Variants in SDCCAG8 observed in about 807,000 individuals in gnomAD.
SDCCAG8 encodes serologically defined colon cancer antigen 8.
Under a neutral mutation model 101.8 loss-of-function variants are expected in SDCCAG8, and 74 were observed. That is an observed-to-expected ratio of 0.73 (90% CI 0.60 to 0.88). SDCCAG8 has a LOEUF of 0.88. Ranked by LOEUF, SDCCAG8 falls within the 40% of genes least tolerant of loss-of-function variation. The pLI, the probability that SDCCAG8 is intolerant of heterozygous loss-of-function variation, is 0.00. For synonymous variants in SDCCAG8, 281 were observed against 292.9 expected, an observed-to-expected ratio of 0.96 and a Z score of 0.41; for missense variants, 787 against 822.6, an observed-to-expected ratio of 0.96 and a Z score of 0.53.
rs777253071 is a variant in SDCCAG8 at position 243,256,193 on chromosome 1, A to G, written c.20A>G (p.Asn7Ser). Residue 7 changes from asparagine (N) to serine (S), a missense_variant, in exon 1 of 18, where the codon AAC becomes AGC. Physicochemically the swap from Asn to Ser is conservative, Grantham distance 46 (BLOSUM62 1). Transcript: ENST00000366541. ...GCGTGCATGGCGAAGTCCCCGGAGA[A>G]CTCTACCCTGGAGGAGATTCTGGGG... MAKSPENSTLEEILGQY... is the reference protein window; with the variant it reads MAKSPESSTLEEILGQY... The G allele has an allele frequency of 1.9e-6, 3 of 1,613,842 alleles. No individual in the cohort carries two copies. The highest frequency in any genetic ancestry group is 1.1e-5 in the South Asian group (1 of 91,058).
At chr1:243,454,992 T>C (rs755989168) in intron 16 of SDCCAG8, among the ~76,000 whole-genome samples, 1 of 152,226 alleles carries the variant, frequency 6.6e-6, no homozygotes, top group Non-Finnish European at 1.5e-5. Context: ...TTCTAACTGT[T>C]CATTTGTTTT....
intron 16 of SDCCAG8, among the ~76,000 whole-genome samples, chr1:243,452,404 GATCTC>G (rs111541523): frequency 0.062 from 7,020 of 113,776 alleles, 366 homozygotes; most frequent in African/African-American, 0.12. Flanking sequence ...CCCTTGAGAT[GATCTC>G]ATCTCTTTTT....
chr1:243,433,157 G>A (rs2081907557), intron 16 of SDCCAG8, among the ~76,000 whole-genome samples: 1 of 152,070 alleles, frequency 6.6e-6, no homozygotes, highest in African/African-American at 2.4e-5. Context: ...AAGGTAACCT[G>A]ATGCCAGACT....
intron 16 of SDCCAG8, among the ~76,000 whole-genome samples, chr1:243,483,386 G>T (rs1015700530): frequency 2.0e-5 from 3 of 152,136 alleles, no homozygotes; most frequent in Admixed American, 6.5e-5. Flanking sequence ...TGCTGAGCAC[G>T]AGCGCCCTCC....
At chr1:243,278,466 G>A (rs192106673) in intron 4 of SDCCAG8, among the ~76,000 whole-genome samples, 162 of 152,218 alleles carry the variant, frequency 1.1e-3, no homozygotes, top group African/African-American at 3.7e-3. Context: ...TGATCCACCC[G>A]CCTCGGTCTC....
chr1:243,467,289 A>T (rs1574211975), intron 16 of SDCCAG8, among the ~76,000 whole-genome samples: 1 of 152,352 alleles, frequency 6.6e-6, no homozygotes, highest in African/African-American at 2.4e-5. Context: ...GTCAGCAGTG[A>T]AATCAGGAGT....
intron 12 of SDCCAG8, among the ~76,000 whole-genome samples, chr1:243,374,235 A>G (rs1441378114): frequency 6.6e-6 from 1 of 152,078 alleles, no homozygotes; most frequent in Non-Finnish European, 1.5e-5. Context: ...AATCAATCCA[A>G]CAACTAATGT....
chr1:243,411,977 G>A (rs937592871), intron 13 of SDCCAG8, among the ~76,000 whole-genome samples: 39 of 152,232 alleles, frequency 2.6e-4, no homozygotes, highest in African/African-American at 8.7e-4. Context: ...TCCTTCACCA[G>A]GCTCTCACAC....
At chr1:243,409,929 C>G (rs1472529978) in intron 13 of SDCCAG8, among the ~76,000 whole-genome samples, 2 of 152,150 alleles carry the variant, frequency 1.3e-5, no homozygotes, top group Non-Finnish European at 2.9e-5. Flanking sequence ...AGGATGTTTG[C>G]ATAGTCTAGG....
chr1:243,476,570 A>G (rs1027883011), intron 16 of SDCCAG8, among the ~76,000 whole-genome samples: 17 of 152,214 alleles, frequency 1.1e-4, no homozygotes, highest in African/African-American at 3.6e-4. Flanking sequence ...GTCCCCATTC[A>G]AACAGAAACT....
intron 13 of SDCCAG8, among the ~76,000 whole-genome samples, chr1:243,389,333 A>G (rs1000229091): frequency 4.6e-5 from 7 of 152,324 alleles, no homozygotes; most frequent in Admixed American, 3.9e-4. Context: ...TCACAACAAC[A>G]GGGTCTCTTT....
At chr1:243,267,074 C>G (rs565945544) in intron 1 of SDCCAG8, among the ~76,000 whole-genome samples, 171 of 152,008 alleles carry the variant, frequency 1.1e-3, no homozygotes, top group African/African-American at 4.1e-3. Context: ...GAAACCCTGT[C>G]TGTACTAAAA....
intron 13 of SDCCAG8, among the ~76,000 whole-genome samples, chr1:243,397,909 C>T (rs1018964225): frequency 5.9e-5 from 9 of 152,196 alleles, no homozygotes; most frequent in African/African-American, 2.2e-4. Context: ...CCAGAGATAG[C>T]CCTGCTAATA....
At chr1:243,261,541 C>T (rs1289050227) in intron 1 of SDCCAG8, among the ~76,000 whole-genome samples, 1 of 152,160 alleles carries the variant, frequency 6.6e-6, no homozygotes, top group Non-Finnish European at 1.5e-5. Context: ...TATCCAAATC[C>T]TGCAAAGTGG....
intron 12 of SDCCAG8, among the ~76,000 whole-genome samples, chr1:243,378,444 C>T (rs373697043): frequency 6.6e-6 from 1 of 152,036 alleles, no homozygotes; most frequent in Non-Finnish European, 1.5e-5. Flanking sequence ...TTAAAGGGAA[C>T]GACTCTTAGA....
rs181101859 is a variant in SDCCAG8 at position 243,394,651 on chromosome 1, A to G, written c.1616+15788A>G. ...GAACTGCAAGTCTCATTCAGAATGT[A>G]GATAAATTAAGGTCAGTTCTTTATT... On this transcript the variant is annotated intron_variant, in intron 13 of 17. Coordinates refer to ENST00000366541, the MANE Select transcript of SDCCAG8 (RefSeq NM_006642.5). 4.6e-5 allele frequency among the ~76,000 whole-genome samples: 7 copies of G among 152,358 alleles called. No individual in the cohort carries two copies. The East Asian group carries it at 7.7e-4, about 17-fold the overall frequency.
At chr1:243,315,514 A>T (rs945149974) in intron 8 of SDCCAG8, among the ~76,000 whole-genome samples, 1 of 152,214 alleles carries the variant, frequency 6.6e-6, no homozygotes, top group Non-Finnish European at 1.5e-5. Flanking sequence ...GCAGCAACTT[A>T]TTCTTTTTTA....
Position 243,415,772 on chromosome 1 carries a change from A to G in SDCCAG8, c.1687A>G (p.Arg563Gly), listed in dbSNP as rs1300220138. ...GGCCCAAGCCCTTCAGGCCCAGCAA[A>G]GAGAGCAGGAGCTGACACAGAAGAT... ...AKAQALQAQQ[R>G]EQELTQKIQQ... Residue 563 changes from arginine to glycine, a missense_variant, in exon 14 of 18, where the codon AGA becomes GGA. Transcript: ENST00000366541. 6.2e-7 allele frequency: 1 copy of G among 1,613,818 alleles called. No homozygotes were observed.
chr1:243,474,186 C>G lies in SDCCAG8; in HGVS notation c.1986-14828C>G, dbSNP rs1411087096. 6.6e-6 allele frequency among the ~76,000 whole-genome samples: 1 copy of G among 152,158 alleles called. No individual in the cohort carries two copies. The highest frequency in any genetic ancestry group is 2.4e-5 in the African/African-American group (1 of 41,424). On this transcript the variant is annotated intron_variant, in intron 16 of 17. Coordinates refer to ENST00000366541, the MANE Select transcript of SDCCAG8 (RefSeq NM_006642.5). This position sits in a 1 kb window ranked among gnomAD's most constrained non-coding sequence, Gnocchi z 4.7. ...CAAATGCAATCACGCAGCACCTTTC[C>G]CATCGCGGGGAAATCAACCTTTTTA...
Sources: allele counts gnomAD v4.1 joint callset (sites outside exome capture counted in the v4.1 genomes callset), GRCh38; gene constraint gnomAD v4.1.1; non-coding constraint Gnocchi (gnomAD v3.1); transcripts MANE v1.5; gene names NCBI Gene and HGNC (gene_info 2026-07-23, HGNC 2026-07-21).